HECW2: variants seen among roughly 807,000 people sequenced by gnomAD.
The protein encoded by HECW2 is HECT, C2 and WW domain containing E3 ubiquitin protein ligase 2.
In HECW2, 61 loss-of-function variants were observed where a neutral mutation model predicts 175.2. The ratio of observed to expected loss-of-function variants is 0.35; its 90% CI spans 0.28 to 0.43. The LOEUF is 0.43. Ranked by LOEUF, HECW2 falls within the 20% of genes least tolerant of loss-of-function variation. The pLI is 1.00. For missense variants in HECW2, 1,524 were observed against 2,000.5 expected (o/e 0.76, Z 4.54); for synonymous variants, 671 against 731.0 (o/e 0.92, Z 1.32).
chr2:196,455,269 T>C (rs917710943), intron 1 of HECW2, among the ~76,000 whole-genome samples: 2 of 152,220 alleles, frequency 1.3e-5, no homozygotes, highest in Non-Finnish European at 2.9e-5. Context: ...CCTGACCTCA[T>C]GATCTGCCCA....
At chr2:196,583,652 T>C (rs75762297) in intron 1 of HECW2, among the ~76,000 whole-genome samples, 2,113 of 152,344 alleles carry the variant, frequency 0.014, 47 homozygotes, top group African/African-American at 0.048. Flanking sequence ...CTTTCTGACA[T>C]TTTAAAAGTC....
chr2:196,559,456 T>C (rs76760759), intron 1 of HECW2, among the ~76,000 whole-genome samples: 20,904 of 152,182 alleles, frequency 0.14, 1,513 homozygotes, highest in Middle Eastern at 0.25. Context: ...ATCAACATTA[T>C]TGAAGCTAAC....
chr2:196,364,020 C>A (rs1693676033), intron 2 of HECW2, among the ~76,000 whole-genome samples: 1 of 152,078 alleles, frequency 6.6e-6, no homozygotes, highest in Non-Finnish European at 1.5e-5. Flanking sequence ...TAGTTATGGA[C>A]CAATAGACTC....
At chr2:196,529,752 C>T (rs1435128610) in intron 1 of HECW2, among the ~76,000 whole-genome samples, 8 of 152,168 alleles carry the variant, frequency 5.3e-5, no homozygotes, top group African/African-American at 1.9e-4. Flanking sequence ...CCTGAGTGAC[C>T]ATGAAGAGCA....
rs1187657954 is a variant in HECW2 at position 196,278,131 on chromosome 2, AAAATAT to A, written c.3135+391_3135+396del. Among the ~76,000 whole-genome samples, 22 of 29,030 alleles carry A rather than the reference AAAATAT, an allele frequency of 7.6e-4. 4 individuals carry two copies. Among genetic ancestry groups the A allele is most frequent in the East Asian group, 0.062 (2 of 32 alleles). The allele number at this position is 29,030 out of a possible 152,430, so 19.0% of individuals were successfully genotyped here. ...ACCCTAGAACTTAAAGTATAATTAA[AAAATAT>A]ATATATATATATATAAAGAAATTCC... is the stretch of plus-strand genomic sequence containing the variant. On this transcript the variant is annotated intron_variant, in intron 15 of 28. Coordinates refer to ENST00000644978, the MANE Select transcript of HECW2 (RefSeq NM_001348768.2).
At chr2:196,345,929 G>C (rs1187194944) in intron 2 of HECW2, among the ~76,000 whole-genome samples, 3 of 152,200 alleles carry the variant, frequency 2.0e-5, no homozygotes, top group African/African-American at 7.2e-5. Context: ...CACTTGGAAG[G>C]CACAGAAGGC....
intron 2 of HECW2, among the ~76,000 whole-genome samples, chr2:196,408,776 C>A (rs1695030544): frequency 6.6e-6 from 1 of 152,166 alleles, no homozygotes; most frequent in Non-Finnish European, 1.5e-5. Context: ...GTCAAGAGGA[C>A]TACTGAGTGT....
intron 2 of HECW2, among the ~76,000 whole-genome samples, chr2:196,351,897 G>A (rs933280910): frequency 1.3e-5 from 2 of 152,066 alleles, no homozygotes; most frequent in Non-Finnish European, 2.9e-5. Context: ...CCCTTCAGAG[G>A]GACTGCTTGA....
chr2:196,371,030 T>C (rs1693894437), intron 2 of HECW2, among the ~76,000 whole-genome samples: 1 of 152,172 alleles, frequency 6.6e-6, no homozygotes, highest in Non-Finnish European at 1.5e-5. Flanking sequence ...GAAGGTGTTT[T>C]TTTGTGTGTG....
At chr2:196,340,944 C>T (rs895908374) in intron 3 of HECW2, among the ~76,000 whole-genome samples, 29 of 150,766 alleles carry the variant, frequency 1.9e-4, no homozygotes, top group African/African-American at 4.4e-4. Flanking sequence ...AAAAAAAAAA[C>T]CCTTCTCTTT....
intron 1 of HECW2, among the ~76,000 whole-genome samples, chr2:196,492,767 A>G (rs1423103427): frequency 6.6e-6 from 1 of 152,230 alleles, no homozygotes; most frequent in East Asian, 1.9e-4. Context: ...CACAGCTTTT[A>G]CTGTCTTCAT....
At chr2:196,337,528 C>A (rs1185965474) in intron 3 of HECW2, among the ~76,000 whole-genome samples, 2 of 148,362 alleles carry the variant, frequency 1.3e-5, no homozygotes, top group Non-Finnish European at 3.0e-5. Context: ...ATGTGGCAGG[C>A]AACATCTCCC....
At position 196,463,125 on chromosome 2, in the gene HECW2, G is replaced by C. The variant is rs185690746; in HGVS notation, c.-35-29667C>G. 4.7e-4 allele frequency among the ~76,000 whole-genome samples: 71 copies of C among 152,318 alleles called. No individual in the cohort carries two copies. In the East Asian group the frequency reaches 9.8e-3, roughly 21 times the overall value. On this transcript the variant is annotated intron_variant, in intron 1 of 28. Transcript: ENST00000644978. ...GTGCTTTCTTCTCTAATGGTCACTAGTGATAGCATCAAAAACCCTGTTGGG... is the reference window on the plus strand; with the variant it reads ...GTGCTTTCTTCTCTAATGGTCACTACTGATAGCATCAAAAACCCTGTTGGG...
At chr2:196,423,684 T>TTGTGTGTGTGTGTGTGTGTG (rs60030164) in intron 2 of HECW2, among the ~76,000 whole-genome samples, 3,719 of 139,918 alleles carry the variant, frequency 0.027, 88 homozygotes, top group African/African-American at 0.061. Flanking sequence ...TAGTATTCCA[T>TTGTGTGTGTGTGTGTGTGTG]TGTGTGTGTG....
chr2:196,356,074 G>A (rs1412163074), intron 2 of HECW2, among the ~76,000 whole-genome samples: 1 of 152,216 alleles, frequency 6.6e-6, no homozygotes, highest in Non-Finnish European at 1.5e-5. Flanking sequence ...GGATGAGGCA[G>A]AGAGTGGGAG....
intron 13 of HECW2, among the ~76,000 whole-genome samples, chr2:196,303,890 C>T (rs1164388979): frequency 6.6e-6 from 1 of 152,088 alleles, no homozygotes; most frequent in African/African-American, 2.4e-5. Flanking sequence ...AGAATGTCAT[C>T]TCTGTCTTCA....
At chr2:196,343,355 T>C (rs1692832409) in intron 3 of HECW2, among the ~76,000 whole-genome samples, 1 of 152,236 alleles carries the variant, frequency 6.6e-6, no homozygotes, top group Non-Finnish European at 1.5e-5. Flanking sequence ...CTGTACTTGT[T>C]CAGTAGAGAC....
chr2:196,451,431 C>CAAAAAAAAAA (rs1383013336), intron 1 of HECW2, among the ~76,000 whole-genome samples: 1 of 65,938 alleles, frequency 1.5e-5, no homozygotes, highest in Non-Finnish European at 3.2e-5. Context: ...GACTCCGTCT[C>CAAAAAAAAAA]AAAAAAAAAA....
chr2:196,275,581 A>ATC (rs1312898361), intron 15 of HECW2, among the ~76,000 whole-genome samples: 1 of 151,978 alleles, frequency 6.6e-6, no homozygotes, highest in African/African-American at 2.4e-5. Flanking sequence ...GTGAAACCCC[A>ATC]TCTCTACTAA....
Sources: gnomAD v4.1 joint callset for allele counts (sites outside exome capture counted in the v4.1 genomes callset) on GRCh38, gnomAD v4.1.1 for gene constraint, MANE v1.5 for transcripts, NCBI Gene and HGNC (gene_info 2026-07-23, HGNC 2026-07-21) for gene names.